Variants in COL11A1 observed in about 807,000 individuals in gnomAD.
COL11A1 encodes the protein collagen type XI alpha 1 chain.
Under a neutral mutation model 265.2 loss-of-function variants are expected in COL11A1, and 74 were observed. That is an observed-to-expected ratio of 0.28 (90% CI 0.23 to 0.34). The LOEUF is 0.34. COL11A1 is among the 10% of genes least tolerant of loss of function. The pLI is 1.00. For synonymous variants in COL11A1, 816 were observed against 727.6 expected (o/e 1.12, Z -1.96); for missense variants, 2,165 against 2,263.6 (o/e 0.96, Z 0.88).
chr1:102,996,102 T>A, intron 26 of COL11A1, 60 bp from the exon 27 acceptor site: 1 of 1,529,552 alleles, frequency 6.5e-7, no homozygotes, highest in East Asian at 2.3e-5. Flanking sequence ...CTCATTTACA[T>A]ACTATAATTT....
In COL11A1 at chr1:103,054,997, A is replaced by G. The variant is rs1046935038; in HGVS notation, c.651+19621T>C. ...TTTTACAAACATTAATTTAATTTCC[A>G]AACGGCTCTATAGGATGCATAGCAC... On this transcript the variant is annotated intron_variant, in intron 4 of 66. Coordinates refer to ENST00000370096, the MANE Select transcript of COL11A1 (RefSeq NM_001854.4). Among the ~76,000 whole-genome samples the G allele has an allele frequency of 4.6e-5, 7 of 152,306 alleles. 1 individual carries two copies. In the Middle Eastern group the frequency reaches 0.01, roughly 222 times the overall value.
At position 102,939,024 on chromosome 1, in the gene COL11A1, A is replaced by C; in HGVS notation, c.3438+11T>G. On this transcript the variant is annotated intron_variant, in intron 44 of 66. Coordinates refer to ENST00000370096, the MANE Select transcript of COL11A1 (RefSeq NM_001854.4). ...AAATAATGTTCTCTCAGTAAGAAGT[A>C]GGAAACTCACATTTTCTCCCTTGTC... The C allele has an allele frequency of 6.2e-7, 1 of 1,611,920 alleles. No individual in the cohort carries two copies. Among genetic ancestry groups the C allele is most frequent in the Non-Finnish European group, 8.5e-7 (1 of 1,178,152 alleles).
intron 15 of COL11A1, among the ~76,000 whole-genome samples, chr1:103,008,107 T>G (rs930466896): frequency 6.6e-6 from 1 of 152,162 alleles, no homozygotes; most frequent in Admixed American, 6.5e-5. Context: ...GCTTCATCTA[T>G]TTTATAAAAA....
chr1:102,908,222 T>C (rs74986116), intron 54 of COL11A1, among the ~76,000 whole-genome samples: 13,954 of 152,166 alleles, frequency 0.092, 743 homozygotes, highest in Middle Eastern at 0.12. Context: ...TGGCATATTT[T>C]TTTCTATTGT....
intron 31 of COL11A1, among the ~76,000 whole-genome samples, chr1:102,980,381 C>T (rs1321419352): frequency 6.6e-6 from 1 of 152,046 alleles, no homozygotes; most frequent in African/African-American, 2.4e-5. Flanking sequence ...TTTATCTTCT[C>T]ATTTAGTTGA....
At chr1:103,092,710 C>T (rs2102376145) in intron 1 of COL11A1, among the ~76,000 whole-genome samples, 1 of 152,148 alleles carries the variant, frequency 6.6e-6, no homozygotes, top group African/African-American at 2.4e-5. Flanking sequence ...TTGCCTATCT[C>T]TGTAAAAAGT....
chr1:103,087,643 G>A (rs368507966), intron 1 of COL11A1, among the ~76,000 whole-genome samples: 1 of 151,928 alleles, frequency 6.6e-6, no homozygotes, highest in South Asian at 2.1e-4. Flanking sequence ...CTTGCTTCTG[G>A]GCCTTTATAA....
At chr1:103,056,696 T>C (rs1260018113) in intron 4 of COL11A1, among the ~76,000 whole-genome samples, 1 of 152,140 alleles carries the variant, frequency 6.6e-6, no homozygotes, top group Admixed American at 6.6e-5. Context: ...GAAAGGGAAA[T>C]ACAAGCATAA....
At chr1:102,888,690 C>A (rs747193455) in intron 61 of COL11A1, 33 bp downstream of exon 61, 2 of 1,613,732 alleles carry the variant, frequency 1.2e-6, no homozygotes, top group Non-Finnish European at 1.7e-6. Flanking sequence ...GGTTTCAATG[C>A]AAAATTAAAT....
chr1:102,887,350 G>C (rs1433577732), intron 62 of COL11A1, among the ~76,000 whole-genome samples: 4 of 151,584 alleles, frequency 2.6e-5, no homozygotes, highest in Non-Finnish European at 5.9e-5. Flanking sequence ...TTAGTCTCTT[G>C]TTTATTAATT....
rs1419800870 is a variant in COL11A1, at chr1:102,905,254, A to G, written c.4087-6260T>C. 6.0e-5 allele frequency among the ~76,000 whole-genome samples: 9 copies of G among 149,520 alleles called. No homozygotes were observed. The South Asian group carries it at 6.6e-4, about 11-fold the overall frequency. On this transcript the variant is annotated intron_variant, in intron 54 of 66. Transcript: ENST00000370096. ...GGGGGGAGGGGGGAGGGATAGCATT[A>G]GGAGATATACCTAATGCTAAATGAC...
Position 102,990,543 on chromosome 1 carries a change from C to T in COL11A1, c.2341-972G>A, listed in dbSNP as rs149422061. On this transcript the variant is annotated intron_variant, in intron 28 of 66. Transcript: ENST00000370096. Reference sequence around the variant, plus strand: ...ATGAAGAGAGGAACGATTTGGGCTACGGAAATATTTTCTATCATTCTTATT... The same window carrying T: ...ATGAAGAGAGGAACGATTTGGGCTATGGAAATATTTTCTATCATTCTTATT... 2.7e-3 allele frequency among the ~76,000 whole-genome samples: 405 copies of T among 151,778 alleles called. 2 individuals carry two copies. The highest frequency in any genetic ancestry group is 0.019 in the East Asian group (96 of 5,162).
At chr1:103,045,172 ACT>A (rs2102076428) in intron 4 of COL11A1, among the ~76,000 whole-genome samples, 1 of 152,156 alleles carries the variant, frequency 6.6e-6, no homozygotes, top group African/African-American at 2.4e-5. Flanking sequence ...ACACTGATAA[ACT>A]CTAACAGGAG....
intron 58 of COL11A1, 62 bp from the exon 59 acceptor site, chr1:102,889,624 T>A: frequency 8.4e-7 from 1 of 1,195,156 alleles, no homozygotes; most frequent in Non-Finnish European, 1.2e-6. Flanking sequence ...AAATTTTAGT[T>A]ATAAAATATT....
chr1:102,970,963 G>A (rs1478742687), intron 36 of COL11A1, among the ~76,000 whole-genome samples: 3 of 151,932 alleles, frequency 2.0e-5, no homozygotes, highest in African/African-American at 7.3e-5. Context: ...GCAGTGAGCT[G>A]AGATGGCGCC....
At chr1:103,053,624 G>A (rs888561791) in intron 4 of COL11A1, among the ~76,000 whole-genome samples, 1 of 152,154 alleles carries the variant, frequency 6.6e-6, no homozygotes, top group African/African-American at 2.4e-5. Flanking sequence ...ATGCGCTTTT[G>A]AGTCTTGGCT....
intron 29 of COL11A1, 110 bp from the exon 30 acceptor site, chr1:102,987,850 G>T: frequency 1.2e-6 from 1 of 805,876 alleles, no homozygotes. Flanking sequence ...ACTCCATCTT[G>T]CCTTTTACCT....
At chr1:102,982,006 T>C (rs538947105) in intron 31 of COL11A1, among the ~76,000 whole-genome samples, 4 of 151,988 alleles carry the variant, frequency 2.6e-5, no homozygotes, top group Non-Finnish European at 2.9e-5. Context: ...AGCTTACACA[T>C]AGGAAAAAAT....
chr1:103,104,707 T>C (rs1193022699), intron 1 of COL11A1, among the ~76,000 whole-genome samples: 1 of 152,210 alleles, frequency 6.6e-6, no homozygotes, highest in Non-Finnish European at 1.5e-5. Flanking sequence ...TGTTTCTCTT[T>C]AGTCTATATT....
Sources: gnomAD v4.1 joint callset for allele counts (sites outside exome capture counted in the v4.1 genomes callset) on GRCh38, gnomAD v4.1.1 for gene constraint, MANE v1.5 for transcripts, NCBI Gene and HGNC (gene_info 2026-07-23, HGNC 2026-07-21) for gene names.